Variants in ZNF469 observed in about 807,000 individuals in gnomAD.
ZNF469 encodes zinc finger protein 469.
Under a neutral mutation model 1.0 loss-of-function variants are expected in ZNF469, and 1 was observed. The ratio of observed to expected loss-of-function variants is 1.00; its 90% CI spans 0.35 to 4.73. The LOEUF (loss-of-function observed/expected upper bound fraction) is 4.73, where lower values mean the gene tolerates loss of function less well. Among genes scored for constraint, ZNF469 ranks in the 30% most tolerant of loss-of-function variants. ZNF469 has a pLI of 0.16. For missense variants in ZNF469, 6,100 were observed against 5,356.3 expected (o/e 1.14, Z -4.33); for synonymous variants, 2,703 against 2,363.4 (o/e 1.14, Z -4.17).
the ZNF469 span, among the ~76,000 whole-genome samples, chr16:88,145,235 C>G: frequency 6.6e-6 from 1 of 152,206 alleles, no homozygotes; most frequent in Non-Finnish European, 1.5e-5. Context: ...AGGGAAACAG[C>G]TTTGCAGTCA....
chr16:88,363,294 C>A, the ZNF469 span, among the ~76,000 whole-genome samples: 1 of 152,172 alleles, frequency 6.6e-6, no homozygotes, highest in African/African-American at 2.4e-5. Flanking sequence ...CAGGTAATTT[C>A]AGATTTTATT....
the ZNF469 span, among the ~76,000 whole-genome samples, chr16:88,296,474 CACAA>C: frequency 6.8e-6 from 1 of 147,978 alleles, no homozygotes; most frequent in African/African-American, 2.5e-5. Flanking sequence ...ACACACAGTG[CACAA>C]ACACACATAT....
At chr16:88,120,240 G>A in the ZNF469 span, among the ~76,000 whole-genome samples, 2 of 152,220 alleles carry the variant, frequency 1.3e-5, no homozygotes, top group Admixed American at 1.3e-4. Context: ...GCCCAGGGGA[G>A]CCACTGCCTG....
chr16:88,215,837 C>A, the ZNF469 span, among the ~76,000 whole-genome samples: 1 of 152,086 alleles, frequency 6.6e-6, no homozygotes, highest in African/African-American at 2.4e-5. Flanking sequence ...GAATCTTAAC[C>A]GCTACTACTT....
the ZNF469 span, among the ~76,000 whole-genome samples, chr16:88,290,123 G>A: frequency 1.3e-5 from 2 of 152,252 alleles, no homozygotes; most frequent in Admixed American, 1.3e-4. Context: ...TCTGAGAGCA[G>A]TGAGGCACTT....
At chr16:88,355,001 G>A in the ZNF469 span, among the ~76,000 whole-genome samples, 6 of 152,326 alleles carry the variant, frequency 3.9e-5, no homozygotes, top group African/African-American at 1.2e-4. Context: ...GTCCCCGCTA[G>A]GGGAAGAGCA....
chr16:88,293,250 G>A, the ZNF469 span, among the ~76,000 whole-genome samples: 40 of 151,752 alleles, frequency 2.6e-4, no homozygotes, highest in African/African-American at 9.2e-4. Flanking sequence ...GGATGAATGG[G>A]TAGATGGACA....
chr16:88,330,566 G>A, the ZNF469 span, among the ~76,000 whole-genome samples: 1 of 152,228 alleles, frequency 6.6e-6, no homozygotes, highest in Middle Eastern at 3.2e-3. Context: ...GGCCCAGACT[G>A]TGGCCTCCGC....
the ZNF469 span, among the ~76,000 whole-genome samples, chr16:88,355,689 T>C: frequency 8.5e-5 from 13 of 152,146 alleles, no homozygotes; most frequent in Admixed American, 8.5e-4. Flanking sequence ...CTAACAGGCC[T>C]ATCATCCAGG....
the ZNF469 span, among the ~76,000 whole-genome samples, chr16:88,265,185 T>C: frequency 6.6e-6 from 1 of 152,214 alleles, no homozygotes; most frequent in Admixed American, 6.5e-5. Context: ...CGCCGCCCAC[T>C]GTCTCGTGTG....
At position 88,433,881 on chromosome 16, in the gene ZNF469, C is replaced by G. The variant is rs1001327580; in HGVS notation, c.6411C>G (p.Thr2137=). 5.8e-6 allele frequency: 9 copies of G among 1,548,514 alleles called. No homozygotes were observed. The African/African-American group carries it at 8.2e-5, about 14-fold the overall frequency. ...LGPLPREDPL[T]SPSRAQGGLG... is the part of the protein sequence containing the mutation. ...CCCTGCCCCGTGAAGACCCACTTAC[C>G]TCGCCTTCCAGGGCCCAAGGTGGGC... Residue 2137 remains threonine, a synonymous_variant, in exon 3 of 3, where the codon ACC becomes ACG. Transcript: ENST00000565624.
chr16:88,226,823 T>G, the ZNF469 span, among the ~76,000 whole-genome samples: 2 of 150,046 alleles, frequency 1.3e-5, no homozygotes, highest in Non-Finnish European at 3.0e-5. Context: ...CCCTGCGTAC[T>G]TCACCTCTGA....
chr16:88,240,890 C>T, the ZNF469 span, among the ~76,000 whole-genome samples: 2 of 152,148 alleles, frequency 1.3e-5, no homozygotes, highest in African/African-American at 4.8e-5. Context: ...CACCGCCAGC[C>T]CTCTCTCAGT....
At chr16:88,204,076 G>GTAACCCCATAGAGCAGCGGGAGGCGCCCC in the ZNF469 span, among the ~76,000 whole-genome samples, 1 of 141,682 alleles carries the variant, frequency 7.1e-6, no homozygotes, top group South Asian at 2.2e-4. Context: ...GGAGGTGCCC[G>GTAACCCCATAGAGCAGCGGGAGGCGCCCC]GTAACCCCAT....
At chr16:88,325,609 C>T in the ZNF469 span, among the ~76,000 whole-genome samples, 2 of 152,224 alleles carry the variant, frequency 1.3e-5, no homozygotes, top group Admixed American at 6.5e-5. Flanking sequence ...GGTGGTAGAG[C>T]TGGAAGGGCC....
At chr16:88,172,175 C>G in the ZNF469 span, among the ~76,000 whole-genome samples, 1 of 152,152 alleles carries the variant, frequency 6.6e-6, no homozygotes, top group African/African-American at 2.4e-5. Context: ...AAGCACTGCC[C>G]AAAGAGAGCG....
At chr16:88,199,226 G>T in the ZNF469 span, among the ~76,000 whole-genome samples, 1 of 152,224 alleles carries the variant, frequency 6.6e-6, no homozygotes, top group East Asian at 1.9e-4. Flanking sequence ...ACACATTTGT[G>T]AGTGGGTCCC....
the ZNF469 span, among the ~76,000 whole-genome samples, chr16:88,186,338 A>C: frequency 8.5e-5 from 13 of 152,232 alleles, no homozygotes; most frequent in South Asian, 2.7e-3. Flanking sequence ...TTTCCTTATA[A>C]ATCAGCCAAC....
At chr16:88,110,392 C>G in the ZNF469 span, among the ~76,000 whole-genome samples, 2 of 152,284 alleles carry the variant, frequency 1.3e-5, no homozygotes, top group African/African-American at 2.4e-5. Context: ...GCTGCCCAGC[C>G]TACCACGGTC....
Sources: allele counts gnomAD v4.1 joint callset (sites outside exome capture counted in the v4.1 genomes callset), GRCh38; gene constraint gnomAD v4.1.1; transcripts MANE v1.5; gene names NCBI Gene and HGNC (gene_info 2026-07-23, HGNC 2026-07-21).